Variants in SSBP4 observed in about 807,000 individuals in gnomAD.
The protein encoded by SSBP4 is single-stranded DNA-binding protein 4.
A neutral mutation model predicts 64.6 loss-of-function variants in SSBP4; 33 were observed. The observed-to-expected ratio is 0.51, with a 90% CI of 0.39 to 0.68. The LOEUF (loss-of-function observed/expected upper bound fraction) is 0.68. Among genes scored for constraint, SSBP4 ranks in the 30% least tolerant of loss-of-function variants. SSBP4 has a pLI of 0.00. For missense variants in SSBP4, 583 were observed against 566.8 expected (o/e 1.03, Z -0.29); for synonymous variants, 243 against 224.0 (o/e 1.08, Z -0.76).
upstream of SSBP4, chr19:18,419,009 C>T (rs1474879465): frequency 1.0e-6 from 1 of 985,614 alleles, no homozygotes; most frequent in Non-Finnish European, 1.2e-6. Context: ...CACCCAATGT[C>T]ACTGCCTGAG....
the SSBP4 span, among the ~76,000 whole-genome samples, chr19:18,403,121 G>C: frequency 6.6e-6 from 1 of 152,238 alleles, no homozygotes; most frequent in South Asian, 2.1e-4. Context: ...TTTGGGTGGA[G>C]AGAAGTATAA....
chr19:18,410,155 G>A, the SSBP4 span, among the ~76,000 whole-genome samples: 4 of 151,930 alleles, frequency 2.6e-5, no homozygotes, highest in Admixed American at 1.3e-4. Flanking sequence ...CACCACGCCC[G>A]GCTAATTTTT....
Position 18,423,821 on chromosome 19 carries a change from A to C in SSBP4, c.60-3530A>C, listed in dbSNP as rs1972632773. 6.6e-6 allele frequency among the ~76,000 whole-genome samples: 1 copy of C among 152,038 alleles called. No individual in the cohort carries two copies. Among genetic ancestry groups the C allele is most frequent in the East Asian group, 1.9e-4 (1 of 5,168 alleles). ...CTTTCTGGCCACCTGCCTGTGTGAC[A>C]CAGGGAGCCCTCATAGGTGACAGGC... On this transcript the variant is annotated intron_variant, in intron 1 of 17. Coordinates refer to ENST00000270061, the MANE Select transcript of SSBP4 (RefSeq NM_032627.5). The surrounding 1 kb of genome is among the most constrained non-coding windows in gnomAD (Gnocchi z 4.0).
upstream of SSBP4, among the ~76,000 whole-genome samples, chr19:18,417,026 C>A (rs1193430076): frequency 1.3e-5 from 2 of 152,126 alleles, no homozygotes; most frequent in Non-Finnish European, 2.9e-5. The surrounding 1 kb of genome is among the most constrained non-coding windows in gnomAD (Gnocchi z 5.4). Flanking sequence ...GCGCCTCCCC[C>A]ATCACAGCTC....
In SSBP4 at chr19:18,429,293, C is replaced by A. The variant is rs977060320; in HGVS notation, c.279+1311C>A. On this transcript the variant is annotated intron_variant, in intron 4 of 17. Transcript: ENST00000270061. ...CTCCCCGGCTCCCTGCCGACCTTGG[C>A]GTCTCCAGGAAACGCCGGAGCGCCC... Among the ~76,000 whole-genome samples, 58 of 151,646 alleles carry A rather than the reference C, an allele frequency of 3.8e-4. 1 individual carries two copies. Among genetic ancestry groups the A allele is most frequent in the Non-Finnish European group, 7.8e-4 (53 of 67,830 alleles).
rs142721217 is a variant in SSBP4, at chr19:18,427,717, A to G, written c.133-35A>G. 893 of 1,553,518 alleles carry G rather than the reference A, an allele frequency of 5.7e-4. 7 individuals carry two copies. In the African/African-American group the frequency reaches 0.011, roughly 19 times the overall value. On this transcript the variant is annotated intron_variant, in intron 2 of 17. Coordinates refer to ENST00000270061, the MANE Select transcript of SSBP4 (RefSeq NM_032627.5). This position sits in a 1 kb window ranked among gnomAD's most constrained non-coding sequence, Gnocchi z 4.4. ...GCTGGGTGGTGGGGCAGGGTCAGGT[A>G]GGGCCACCCCCTCACCACCTTCCTT...
At chr19:18,410,041 T>G in the SSBP4 span, among the ~76,000 whole-genome samples, 3 of 152,214 alleles carry the variant, frequency 2.0e-5, no homozygotes, top group East Asian at 5.8e-4. Context: ...TCGCCCAAGT[T>G]GGAGTGCAGT....
At chr19:18,429,300 A>G (rs556973926) in intron 4 of SSBP4, among the ~76,000 whole-genome samples, 33 of 151,148 alleles carry the variant, frequency 2.2e-4, no homozygotes, top group East Asian at 1.2e-3. Flanking sequence ...TGGCGTCTCC[A>G]GGAAACGCCG....
Position 18,434,525 on chromosome 19 carries a change from GC to G in SSBP4, c.*282del. ...TCTCCCCAGGACGTCAGGGGGTGGG[GC>G]CCATAAATAAATGGAAGCTGGTTTT... On this transcript the variant is annotated 3_prime_UTR_variant, in exon 18 of 18. Coordinates refer to ENST00000270061, the MANE Select transcript of SSBP4 (RefSeq NM_032627.5). The G allele has an allele frequency of 1.7e-6, 1 of 590,778 alleles. No individual in the cohort carries two copies. The highest frequency in any genetic ancestry group is 2.8e-6 in the Non-Finnish European group (1 of 358,560). The allele number at this position is 590,778 out of a possible 1,614,324, so 36.6% of individuals were successfully genotyped here.
intron 4 of SSBP4, among the ~76,000 whole-genome samples, chr19:18,430,399 AC>A (rs1973261385): frequency 6.6e-6 from 1 of 151,412 alleles, no homozygotes; most frequent in Admixed American, 6.6e-5. Flanking sequence ...TGGGGACCCC[AC>A]CCCAGAATCC....
At chr19:18,419,858 A>AG (rs1315587298) in intron 1 of SSBP4, 151 bp downstream of exon 1, 74 of 297,670 alleles carry the variant, frequency 2.5e-4, no homozygotes, top group Middle Eastern at 1.3e-3. Context: ...GGGGCGCGCG[A>AG]CCCCCGAGGG....
At chr19:18,409,565 G>A in the SSBP4 span, among the ~76,000 whole-genome samples, 1 of 152,070 alleles carries the variant, frequency 6.6e-6, no homozygotes, top group Non-Finnish European at 1.5e-5. Flanking sequence ...CAAAAAATTA[G>A]AGTCAAGGAG....
upstream of SSBP4, among the ~76,000 whole-genome samples, chr19:18,414,424 G>A (rs952117331): frequency 3.3e-5 from 5 of 152,140 alleles, no homozygotes; most frequent in Admixed American, 1.3e-4. Context: ...CCCGGAGGTT[G>A]AGGCTGCAGT....
the SSBP4 span, among the ~76,000 whole-genome samples, chr19:18,405,034 C>A: frequency 3.3e-5 from 5 of 150,810 alleles, no homozygotes; most frequent in Non-Finnish European, 7.4e-5. Context: ...GCAAGAAGCT[C>A]CCTGGGGTGG....
chr19:18,430,016 G>A (rs747563730), intron 4 of SSBP4, among the ~76,000 whole-genome samples: 2 of 152,220 alleles, frequency 1.3e-5, no homozygotes, highest in African/African-American at 2.4e-5. Context: ...CTGAGCCCAA[G>A]TGGCTGTAGT....
Position 18,430,860 on chromosome 19 carries a change from G to A in SSBP4, c.299G>A (p.Ser100Asn). The A allele has an allele frequency of 6.2e-7, 1 of 1,612,906 alleles. No homozygotes were observed. Among genetic ancestry groups the A allele is most frequent in the African/African-American group, 1.3e-5 (1 of 75,022 alleles). The stretch of plus-strand genomic sequence containing the variant: ...TTACAGAGTGCTGCAGCCGCCCCCA[G>A]CCCCGTTATGGGGAGTATGGCCCCA... ...FQDYSAAAAP[S>N]PVMGSMAPGD... Residue 100 changes from serine (S) to asparagine (N), a missense_variant, in exon 5 of 18, where the codon AGC becomes AAC. Coordinates refer to ENST00000270061, the MANE Select transcript of SSBP4 (RefSeq NM_032627.5).
chr19:18,434,278 C>G lies in SSBP4; in HGVS notation c.*32C>G, dbSNP rs1359927058. ...GGCAGCCCCGGGCCTCTCTGCGGGC[C>G]TAGGCTTCTGCCCAGCGCCCCTGCT... On this transcript the variant is annotated 3_prime_UTR_variant, in exon 18 of 18. Transcript: ENST00000270061. 11 of 1,609,196 alleles carry G rather than the reference C, an allele frequency of 6.8e-6. No individual in the cohort carries two copies. The highest frequency in any genetic ancestry group is 9.3e-6 in the Non-Finnish European group (11 of 1,178,342).
chr19:18,424,058 A>G (rs539625075), intron 1 of SSBP4, among the ~76,000 whole-genome samples: 1 of 152,336 alleles, frequency 6.6e-6, no homozygotes, highest in South Asian at 2.1e-4. Context: ...CTTTTCACCC[A>G]AAACAATAAC....
At chr19:18,409,842 T>G in the SSBP4 span, among the ~76,000 whole-genome samples, 2 of 151,290 alleles carry the variant, frequency 1.3e-5, no homozygotes, top group African/African-American at 4.9e-5. Context: ...GTTTTTTCTT[T>G]CTTTTTTGAG....
Sources: gnomAD v4.1 joint callset for allele counts (sites outside exome capture counted in the v4.1 genomes callset) on GRCh38, gnomAD v4.1.1 for gene constraint, Gnocchi (gnomAD v3.1) non-coding constraint, MANE v1.5 for transcripts, NCBI Gene and HGNC (gene_info 2026-07-23, HGNC 2026-07-21) for gene names.